NAV3: variants seen among roughly 807,000 people sequenced by gnomAD.
The protein encoded by NAV3 is neuron navigator 3.
A neutral mutation model predicts 244.7 loss-of-function variants in NAV3; 87 were observed. That is an observed-to-expected ratio of 0.36 (90% CI 0.30 to 0.42). NAV3 has a LOEUF of 0.42. NAV3 is among the 20% of genes least tolerant of loss of function. The pLI is 1.00. For synonymous variants in NAV3, 1,126 were observed against 1,042.2 expected, an observed-to-expected ratio of 1.08 and a Z score of -1.55; for missense variants, 2,663 against 2,893.3, an observed-to-expected ratio of 0.92 and a Z score of 1.83.
chr12:77,688,213 A>G (rs775911668), intron 2 of NAV3, among the ~76,000 whole-genome samples: 78 of 152,048 alleles, frequency 5.1e-4, no homozygotes, highest in Admixed American at 1.9e-3. Flanking sequence ...TATCATAGCT[A>G]AAAGTTTATC....
At chr12:77,924,421 T>G (rs920814540) in intron 1 of NAV3, among the ~76,000 whole-genome samples, 1 of 152,074 alleles carries the variant, frequency 6.6e-6, no homozygotes, top group Non-Finnish European at 1.5e-5. Context: ...TAGAGAATAT[T>G]TTATGCTATG....
At chr12:78,076,398 G>A (rs1005611750) in intron 12 of NAV3, among the ~76,000 whole-genome samples, 1 of 151,938 alleles carries the variant, frequency 6.6e-6, no homozygotes, top group African/African-American at 2.4e-5. Flanking sequence ...CTTATAATTC[G>A]CCATGTTATA....
At chr12:77,574,999 G>A (rs1381423452) in intron 2 of NAV3, among the ~76,000 whole-genome samples, 1 of 149,548 alleles carries the variant, frequency 6.7e-6, no homozygotes. Context: ...AAGAGTTTGG[G>A]TCTTGTAAAT....
chr12:78,006,228 T>G (rs74108223), intron 7 of NAV3, among the ~76,000 whole-genome samples, 191 bp from the exon 8 acceptor site: 4,121 of 151,746 alleles, frequency 0.027, 185 homozygotes, highest in African/African-American at 0.094. Flanking sequence ...AATCAATGCC[T>G]CTCAAACACT....
intron 3 of NAV3, among the ~76,000 whole-genome samples, chr12:77,942,947 A>G (rs1890014930): frequency 6.6e-6 from 1 of 152,128 alleles, no homozygotes. Context: ...TATTTTTACC[A>G]TGAGGAGGTG....
chr12:77,680,982 AG>A (rs1490721600), intron 2 of NAV3, among the ~76,000 whole-genome samples: 1 of 151,868 alleles, frequency 6.6e-6, no homozygotes, highest in Non-Finnish European at 1.5e-5. Flanking sequence ...TTTTGGGGGG[AG>A]GGGCGGAAGT....
At chr12:78,094,425 T>A (rs1174103592) in intron 12 of NAV3, among the ~76,000 whole-genome samples, 1 of 152,180 alleles carries the variant, frequency 6.6e-6, no homozygotes, top group Non-Finnish European at 1.5e-5. Context: ...GGTGTAACAT[T>A]TTAATGAGAG....
chr12:77,855,865 C>G (rs571583231), intron 1 of NAV3, among the ~76,000 whole-genome samples: 1 of 152,204 alleles, frequency 6.6e-6, no homozygotes, highest in Admixed American at 6.5e-5. Flanking sequence ...TCCTAGCTGA[C>G]CTTAGCCCAA....
At chr12:77,641,292 G>A (rs969490071) in intron 2 of NAV3, among the ~76,000 whole-genome samples, 2 of 152,032 alleles carry the variant, frequency 1.3e-5, no homozygotes. Context: ...AGACATCTCA[G>A]TGAGAAATTT....
chr12:77,602,951 C>G (rs983455557), intron 2 of NAV3, among the ~76,000 whole-genome samples: 27 of 152,066 alleles, frequency 1.8e-4, no homozygotes, highest in African/African-American at 6.5e-4. Flanking sequence ...ATGATATACT[C>G]TCCCTCAGTT....
chr12:77,979,616 G>T (rs1458069436), intron 5 of NAV3, among the ~76,000 whole-genome samples: 1 of 146,628 alleles, frequency 6.8e-6, no homozygotes, highest in Non-Finnish European at 1.5e-5. Context: ...CTCTTTATGT[G>T]CCCTTTTCTA....
At chr12:77,710,867 T>G (rs539879220) in intron 2 of NAV3, among the ~76,000 whole-genome samples, 54 of 152,202 alleles carry the variant, frequency 3.5e-4, no homozygotes, top group Non-Finnish European at 6.6e-4. Context: ...GCAAAATTTA[T>G]TTGAGCTTTT....
chr12:78,118,274 G>T lies in NAV3; in HGVS notation c.3017G>T (p.Gly1006Val). Residue 1006 changes from glycine to valine, a missense_variant, in exon 14 of 40, where the codon GGA (glycine) becomes GTA (valine). By Grantham distance (109) the Gly-to-Val change is moderately radical (BLOSUM62 -3). Around this residue, in one of 6 missense-constraint regions of NAV3, gnomAD observed 1,521 missense variants for 1,497.0 expected, o/e 1.02. Coordinates refer to ENST00000397909, the MANE Select transcript of NAV3 (RefSeq NM_001024383.2). ...QGGAPSRQKA[G>V]TSALKTPGKT... ...GGGGCGCCATCTAGGCAGAAAGCTGGAACAAGTGCACTCAAAACACCCGGT... is the reference window on the plus strand; with the variant it reads ...GGGGCGCCATCTAGGCAGAAAGCTGTAACAAGTGCACTCAAAACACCCGGT... The T allele has an allele frequency of 1.2e-6, 2 of 1,608,694 alleles. No individual in the cohort carries two copies. Among genetic ancestry groups the T allele is most frequent in the South Asian group, 2.2e-5 (2 of 90,980 alleles).
chr12:78,000,786 A>G (rs1364516411), intron 7 of NAV3, among the ~76,000 whole-genome samples: 1 of 150,576 alleles, frequency 6.6e-6, no homozygotes, highest in Non-Finnish European at 1.5e-5. Context: ...TACAGGCGTG[A>G]GCCACCGCGC....
At chr12:77,589,076 C>T (rs1311661601) in intron 2 of NAV3, among the ~76,000 whole-genome samples, 1 of 152,112 alleles carries the variant, frequency 6.6e-6, no homozygotes, top group Non-Finnish European at 1.5e-5. Context: ...ACAGAGGATA[C>T]AGATAAAGGA....
At chr12:78,074,242 ATT>A (rs1485909734) in intron 12 of NAV3, among the ~76,000 whole-genome samples, 1 of 152,232 alleles carries the variant, frequency 6.6e-6, no homozygotes, top group African/African-American at 2.4e-5. Context: ...ATTCTTGGAT[ATT>A]TTATAGACTT....
In NAV3 at chr12:78,035,819, TA is replaced by T. The variant is rs796992184; in HGVS notation, c.2023+13961del. 6.6e-5 allele frequency among the ~76,000 whole-genome samples: 10 copies of T among 152,336 alleles called. No individual in the cohort carries two copies. In the East Asian group the frequency reaches 1.4e-3, roughly 21 times the overall value. On this transcript the variant is annotated intron_variant, in intron 9 of 39. Transcript: ENST00000397909. ...ATAAGAAGGCTTTGACTTTGTTCTT[TA>T]AAAGATTAGGGAAGTCTTTCCCTTT... is the stretch of plus-strand genomic sequence containing the variant.
intron 22 of NAV3, among the ~76,000 whole-genome samples, chr12:78,152,546 T>C (rs905807616): frequency 4.6e-5 from 7 of 151,922 alleles, no homozygotes; most frequent in Admixed American, 2.6e-4. Context: ...TATAATGTCA[T>C]TTTAGATTTC....
At chr12:77,704,747 T>C (rs1330214270) in intron 2 of NAV3, among the ~76,000 whole-genome samples, 1 of 152,154 alleles carries the variant, frequency 6.6e-6, no homozygotes, top group East Asian at 1.9e-4. Context: ...TTACAAAACA[T>C]AATCTAAGTA....
Sources: gnomAD v4.1 joint callset for allele counts (sites outside exome capture counted in the v4.1 genomes callset) on GRCh38, gnomAD v4.1.1 for gene constraint, gnomAD v4.1.1 regional missense constraint, MANE v1.5 for transcripts, NCBI Gene and HGNC (gene_info 2026-07-23, HGNC 2026-07-21) for gene names.